CHLSN: variants seen among roughly 807,000 people sequenced by gnomAD.
The protein encoded by CHLSN is protein cholesin.
the CHLSN span, chr7:1,022,970 G>A: frequency 4.2e-6 from 2 of 472,896 alleles, no homozygotes; most frequent in South Asian, 3.1e-5. Context: ...CTGTCGTCGA[G>A]GCGCTCACAG....
chr7:1,049,052 T>G, the CHLSN span, among the ~76,000 whole-genome samples: 5 of 152,224 alleles, frequency 3.3e-5, no homozygotes, highest in East Asian at 9.6e-4. Context: ...TGTCTGAGCG[T>G]GCGCTCCCCA....
chr7:994,261 G>C, the CHLSN span, among the ~76,000 whole-genome samples: 1 of 152,094 alleles, frequency 6.6e-6, no homozygotes. Context: ...GTGTTCAAGC[G>C]ATTCTCCTGA....
chr7:1,098,172 C>T, the CHLSN span, among the ~76,000 whole-genome samples: 3 of 152,164 alleles, frequency 2.0e-5, no homozygotes, highest in African/African-American at 4.8e-5. Context: ...CGGGACTGTG[C>T]GAGTCACCCC....
chr7:1,027,963 G>A, the CHLSN span, among the ~76,000 whole-genome samples: 2 of 152,156 alleles, frequency 1.3e-5, no homozygotes, highest in African/African-American at 2.4e-5. Flanking sequence ...AGTGCCTGCA[G>A]GGCCTGGACC....
chr7:1,021,380 C>A, the CHLSN span: 291 of 985,394 alleles, frequency 3.0e-4, no homozygotes, highest in African/African-American at 4.8e-3. Context: ...GATGATATTG[C>A]GGATTTCAGT....
the CHLSN span, among the ~76,000 whole-genome samples, chr7:1,065,033 C>T: frequency 6.6e-6 from 1 of 152,102 alleles, no homozygotes; most frequent in Non-Finnish European, 1.5e-5. Context: ...TCTGCAGAGC[C>T]CCTTGGGGCA....
chr7:1,093,355 C>T, the CHLSN span: 9 of 424,872 alleles, frequency 2.1e-5, no homozygotes, highest in East Asian at 1.4e-4. Context: ...TCTGTGCCCA[C>T]GGTCTGAGCT....
the CHLSN span, chr7:1,021,533 C>T: frequency 1.0e-6 from 1 of 985,438 alleles, no homozygotes. Context: ...GGAGCACTGT[C>T]CATCCACCGC....
the CHLSN span, chr7:984,289 C>G: frequency 1.6e-4 from 206 of 1,315,480 alleles, no homozygotes; most frequent in African/African-American, 2.9e-3. Flanking sequence ...TAGGCGTGCC[C>G]CCTCCACCTG....
chr7:1,099,617 T>G, the CHLSN span, among the ~76,000 whole-genome samples: 1 of 151,940 alleles, frequency 6.6e-6, no homozygotes, highest in African/African-American at 2.4e-5. Flanking sequence ...AAAAGAGCGT[T>G]AGTCAAAATT....
At chr7:1,126,938 C>G in the CHLSN span, among the ~76,000 whole-genome samples, 1 of 152,170 alleles carries the variant, frequency 6.6e-6, no homozygotes, top group Admixed American at 6.5e-5. Context: ...CTCGCACCTT[C>G]CCAGGGCCCA....
chr7:1,065,210 G>C, the CHLSN span, among the ~76,000 whole-genome samples: 1 of 152,280 alleles, frequency 6.6e-6, no homozygotes, highest in Non-Finnish European at 1.5e-5. Context: ...CATACACTAA[G>C]TGTGCAGCTG....
At chr7:1,043,444 C>T in the CHLSN span, 2 of 152,240 alleles carry the variant, frequency 1.3e-5, no homozygotes, top group African/African-American at 4.8e-5. Context: ...GACGTATCTA[C>T]CTCAAAACAA....
chr7:1,004,036 C>T, the CHLSN span, among the ~76,000 whole-genome samples: 4 of 149,128 alleles, frequency 2.7e-5, no homozygotes, highest in Non-Finnish European at 4.5e-5. Flanking sequence ...GGGAGTCCTG[C>T]GGGTGTGGAG....
At chr7:1,052,404 G>A in the CHLSN span, among the ~76,000 whole-genome samples, 6 of 152,242 alleles carry the variant, frequency 3.9e-5, no homozygotes, top group Non-Finnish European at 2.9e-5. This position sits in a 1 kb window ranked among gnomAD's most constrained non-coding sequence, Gnocchi z 4.2. Flanking sequence ...CTGTGTGTGG[G>A]TGGCAGGTCT....
the CHLSN span, among the ~76,000 whole-genome samples, chr7:1,070,358 G>C: frequency 7.5e-6 from 1 of 133,664 alleles, no homozygotes. Context: ...GGGAGGTGGG[G>C]GGGTCAGCCC....
At chr7:1,005,344 A>G in the CHLSN span, among the ~76,000 whole-genome samples, 1 of 152,202 alleles carries the variant, frequency 6.6e-6, no homozygotes, top group African/African-American at 2.4e-5. Flanking sequence ...ACCCCCTTCC[A>G]AAAGAAAACT....
At chr7:1,036,421 G>C in the CHLSN span, among the ~76,000 whole-genome samples, 5 of 150,282 alleles carry the variant, frequency 3.3e-5, no homozygotes, top group South Asian at 8.5e-4. Flanking sequence ...TCGGGTGCTC[G>C]TGGTGTGGCC....
chr7:1,010,532 C>T, the CHLSN span, among the ~76,000 whole-genome samples: 6 of 152,324 alleles, frequency 3.9e-5, no homozygotes, highest in African/African-American at 1.4e-4. Context: ...TGTTATCACA[C>T]AGGCCAGGTG....
Sources: allele counts gnomAD v4.1 joint callset (sites outside exome capture counted in the v4.1 genomes callset), GRCh38; gene constraint gnomAD v4.1.1; non-coding constraint Gnocchi (gnomAD v3.1); transcripts MANE v1.5; gene names NCBI Gene and HGNC (gene_info 2026-07-23, HGNC 2026-07-21).